Variants in FARP1 observed in about 807,000 individuals in gnomAD.
FARP1 encodes the protein FERM, ARHGEF and pleckstrin domain-containing protein 1.
In FARP1, 52 loss-of-function variants were observed where a neutral mutation model predicts 128.8. That is an observed-to-expected ratio of 0.40 (90% CI 0.32 to 0.51). The LOEUF (loss-of-function observed/expected upper bound fraction) is 0.51, where lower values mean the gene tolerates loss of function less well. FARP1 is among the 20% of genes least tolerant of loss of function. The pLI, the probability that FARP1 is intolerant of heterozygous loss-of-function variation, is 0.45. For missense variants in FARP1, 1,333 were observed against 1,367.9 expected (o/e 0.97, Z 0.40); for synonymous variants, 580 against 551.8 (o/e 1.05, Z -0.72).
In FARP1 at chr13:98,448,960, A is replaced by G. The variant is rs182924975; in HGVS notation, c.*643A>G. On this transcript the variant is annotated 3_prime_UTR_variant, in exon 27 of 27. Transcript: ENST00000319562. ...CCAACCTACTTCTTGGTGCAAGTTG[A>G]CCAAATCGTTTTAAGTGGTAACTCT... 9 of 152,328 alleles carry G rather than the reference A, an allele frequency of 5.9e-5. No homozygotes were observed. The East Asian group carries it at 1.4e-3, about 23-fold the overall frequency. 9.4% of individuals were successfully genotyped at this position (152,328 alleles called of 1,614,324 possible). A position where few individuals can be genotyped will look rare whatever the true frequency, so the allele number is the denominator to read the frequency against.
intron 21 of FARP1, 48 bp downstream of exon 21, chr13:98,439,244 A>T: frequency 7.3e-7 from 1 of 1,361,268 alleles, no homozygotes; most frequent in Non-Finnish European, 1.0e-6. Context: ...CGGGGGCAGC[A>T]GGTGCGGGCG....
intron 2 of FARP1, among the ~76,000 whole-genome samples, chr13:98,289,144 T>A (rs547979585): frequency 6.6e-6 from 1 of 152,240 alleles, no homozygotes; most frequent in Non-Finnish European, 1.5e-5. Context: ...ATTAGTCCTA[T>A]GCCAAGACTT....
At chr13:98,428,773 GA>G (rs1344202708) in intron 17 of FARP1, among the ~76,000 whole-genome samples, 3 of 152,196 alleles carry the variant, frequency 2.0e-5, no homozygotes, top group Non-Finnish European at 4.4e-5. Context: ...TATATACAGG[GA>G]AGACCTTTGG....
chr13:98,364,103 T>C (rs1888986683), intron 3 of FARP1, among the ~76,000 whole-genome samples: 1 of 152,226 alleles, frequency 6.6e-6, no homozygotes, highest in Admixed American at 6.5e-5. Context: ...TTCTACTTAA[T>C]TTAGGTTACT....
At chr13:98,394,969 C>T (rs1425263021) in intron 12 of FARP1, among the ~76,000 whole-genome samples, 1 of 152,104 alleles carries the variant, frequency 6.6e-6, no homozygotes, top group African/African-American at 2.4e-5. Flanking sequence ...CATGAGTCGG[C>T]GGGTCCTGGA....
At chr13:98,387,055 CTT>C (rs1202231479) in intron 8 of FARP1, among the ~76,000 whole-genome samples, 1 of 152,182 alleles carries the variant, frequency 6.6e-6, no homozygotes, top group African/African-American at 2.4e-5. Flanking sequence ...AATCCCAACA[CTT>C]TGGGAGGCTG....
chr13:98,267,481 C>T (rs531449352), intron 2 of FARP1, among the ~76,000 whole-genome samples: 14 of 152,306 alleles, frequency 9.2e-5, no homozygotes, highest in African/African-American at 3.4e-4. Flanking sequence ...GTTGCAGACG[C>T]TCCCACCCCC....
chr13:98,331,996 C>T (rs1359356225), intron 2 of FARP1, among the ~76,000 whole-genome samples: 1 of 152,174 alleles, frequency 6.6e-6, no homozygotes, highest in Non-Finnish European at 1.5e-5. Context: ...TCCCCACACC[C>T]ACCCAGTTTA....
In FARP1 at chr13:98,377,807, G is replaced by A. The variant is rs1192664963; in HGVS notation, c.399-14G>A. On this transcript the variant is annotated splice_polypyrimidine_tract_variant and intron_variant, in intron 5 of 26. Transcript: ENST00000319562. ...CCCTCTTTGCCTGACGCCCAGCTCTGTTGATCTTCGCAGGTACCTGTTCGC... is the reference window on the plus strand; with the variant it reads ...CCCTCTTTGCCTGACGCCCAGCTCTATTGATCTTCGCAGGTACCTGTTCGC... 3 of 1,610,396 alleles carry A rather than the reference G, an allele frequency of 1.9e-6. No individual in the cohort carries two copies. Among genetic ancestry groups the A allele is most frequent in the Admixed American group, 1.7e-5 (1 of 60,010 alleles).
rs68077784 is a variant in FARP1 at position 98,444,111 on chromosome 13, C to CG, written c.2797-1981dup. 1.6e-4 allele frequency among the ~76,000 whole-genome samples: 25 copies of CG among 151,548 alleles called. 1 individual carries two copies. Among genetic ancestry groups the CG allele is most frequent in the Non-Finnish European group, 2.4e-4 (16 of 67,896 alleles). On this transcript the variant is annotated intron_variant, in intron 24 of 26. Coordinates refer to ENST00000319562, the MANE Select transcript of FARP1 (RefSeq NM_005766.4). Reference sequence around the variant, plus strand: ...CTGGTGGCTGCGGCAGTCTTCTTCTCGGGGGGTCCCCGACTCCACCCATGT... The same window carrying CG: ...CTGGTGGCTGCGGCAGTCTTCTTCTCGGGGGGGTCCCCGACTCCACCCATGT...
chr13:98,370,566 T>C (rs1307297547), intron 5 of FARP1, among the ~76,000 whole-genome samples: 3 of 118,584 alleles, frequency 2.5e-5, no homozygotes, highest in African/African-American at 1.0e-4. Flanking sequence ...GATTTTTGGC[T>C]TGAGTGACTG....
intron 1 of FARP1, among the ~76,000 whole-genome samples, chr13:98,181,526 TA>T (rs1045499225): frequency 2.4e-4 from 37 of 151,530 alleles, no homozygotes; most frequent in East Asian, 3.9e-4. Flanking sequence ...ATTCTCATTA[TA>T]AAAAAAATAC....
At chr13:98,349,277 A>T (rs1888305564) in intron 3 of FARP1, among the ~76,000 whole-genome samples, 1 of 152,240 alleles carries the variant, frequency 6.6e-6, no homozygotes, top group South Asian at 2.1e-4. Flanking sequence ...TGATGAGCCC[A>T]GCAGGTCTCA....
intron 12 of FARP1, 149 bp downstream of exon 12, chr13:98,393,867 C>T (rs1890407195): frequency 1.5e-6 from 1 of 663,632 alleles, no homozygotes; most frequent in African/African-American, 1.8e-5. Context: ...TTGGCTTTGA[C>T]CAGATATAGG....
At chr13:98,425,699 G>T (rs1224041201) in intron 17 of FARP1, among the ~76,000 whole-genome samples, 1 of 152,058 alleles carries the variant, frequency 6.6e-6, no homozygotes, top group Non-Finnish European at 1.5e-5. Context: ...TCGCAAATAT[G>T]TTTTTAATCA....
chr13:98,150,338 A>C (rs1350827423), intron 1 of FARP1, among the ~76,000 whole-genome samples: 2 of 152,144 alleles, frequency 1.3e-5, no homozygotes, highest in East Asian at 3.9e-4. Flanking sequence ...GCAGATCTTT[A>C]CTGTTTTTAA....
rs75320771 is a variant in FARP1 at position 98,244,016 on chromosome 13, T to C, written c.171+30603T>C. Among the ~76,000 whole-genome samples the C allele has an allele frequency of 3.3e-5, 5 of 152,218 alleles. No individual in the cohort carries two copies. In the East Asian group the frequency reaches 5.8e-4, roughly 18 times the overall value. ...CATCTTATTTCTAGATTTTTTTTTTTCCTAAGCAATCTCTTGAAAAGGAAT... is the reference window on the plus strand; with the variant it reads ...CATCTTATTTCTAGATTTTTTTTTTCCCTAAGCAATCTCTTGAAAAGGAAT... On this transcript the variant is annotated intron_variant, in intron 2 of 26. Coordinates refer to ENST00000319562, the MANE Select transcript of FARP1 (RefSeq NM_005766.4).
intron 2 of FARP1, among the ~76,000 whole-genome samples, chr13:98,304,761 T>G (rs960472825): frequency 3.3e-5 from 5 of 152,252 alleles, no homozygotes; most frequent in African/African-American, 1.2e-4. Context: ...CATGCCTCCC[T>G]GTCTCTCTTC....
At chr13:98,195,594 G>A (rs745762704) in intron 1 of FARP1, among the ~76,000 whole-genome samples, 4 of 152,200 alleles carry the variant, frequency 2.6e-5, no homozygotes, top group Non-Finnish European at 4.4e-5. Flanking sequence ...GAGGGCAGTG[G>A]GTGCCATAGT....
Sources: allele counts gnomAD v4.1 joint callset (sites outside exome capture counted in the v4.1 genomes callset), GRCh38; gene constraint gnomAD v4.1.1; transcripts MANE v1.5; gene names NCBI Gene and HGNC (gene_info 2026-07-23, HGNC 2026-07-21).